Variants in NDUFS4 observed in about 807,000 individuals in gnomAD.
The protein encoded by NDUFS4 is NADH dehydrogenase [ubiquinone] iron-sulfur protein 4, mitochondrial.
NDUFS4 carries 28 observed loss-of-function variants against 24.3 expected under a neutral mutation model. The ratio of observed to expected loss-of-function variants is 1.15; its 90% CI spans 0.85 to 1.58. NDUFS4 has a LOEUF of 1.58. Ranked by LOEUF, NDUFS4 falls within the 40% of genes most tolerant of loss-of-function variation. The pLI is 0.00. For missense variants in NDUFS4, 223 were observed against 207.9 expected (o/e 1.07, Z -0.45); for synonymous variants, 93 against 69.7 (o/e 1.34, Z -1.67).
chr5:53,578,606 C>T (rs573794952), intron 1 of NDUFS4, among the ~76,000 whole-genome samples: 3 of 152,126 alleles, frequency 2.0e-5, no homozygotes, highest in Non-Finnish European at 2.9e-5. Context: ...TGTCCTGTTC[C>T]GTAAAATGGA....
chr5:53,596,329 A>T (rs1478985822), intron 1 of NDUFS4, among the ~76,000 whole-genome samples: 2 of 152,030 alleles, frequency 1.3e-5, no homozygotes, highest in Non-Finnish European at 2.9e-5. Flanking sequence ...GCTACTCAGG[A>T]GGCTGAGGTG....
chr5:53,643,518 GTTCTT>G (rs1419094086), intron 2 of NDUFS4, among the ~76,000 whole-genome samples: 5 of 152,148 alleles, frequency 3.3e-5, no homozygotes, highest in African/African-American at 7.2e-5. Flanking sequence ...GTGCCTCATA[GTTCTT>G]TTCAAGTGTT....
chr5:53,625,532 T>A (rs1751193393), intron 2 of NDUFS4, among the ~76,000 whole-genome samples: 2 of 152,216 alleles, frequency 1.3e-5, no homozygotes, highest in South Asian at 2.1e-4. Context: ...TGAGGCCCAG[T>A]TTGACTTCCA....
intron 4 of NDUFS4, among the ~76,000 whole-genome samples, chr5:53,675,287 C>T (rs376584210): frequency 1.3e-4 from 20 of 151,612 alleles, no homozygotes; most frequent in East Asian, 1.9e-4. Context: ...CTCAGCCTCC[C>T]GAGGAGCTGG....
At chr5:53,582,645 A>G (rs558564223) in intron 1 of NDUFS4, among the ~76,000 whole-genome samples, 85 of 152,322 alleles carry the variant, frequency 5.6e-4, no homozygotes, top group Non-Finnish European at 1.0e-3. Context: ...GAACAAGCTG[A>G]TATTATTCAA....
At chr5:53,660,245 G>C (rs191206425) in intron 4 of NDUFS4, among the ~76,000 whole-genome samples, 1 of 148,330 alleles carries the variant, frequency 6.7e-6, no homozygotes, top group Non-Finnish European at 1.5e-5. Flanking sequence ...GAGAACATGC[G>C]GTGTTTGCTT....
chr5:53,560,955 G>A (rs544684108), intron 1 of NDUFS4, among the ~76,000 whole-genome samples, 195 bp downstream of exon 1: 1 of 152,292 alleles, frequency 6.6e-6, no homozygotes, highest in African/African-American at 2.4e-5. Flanking sequence ...TGAGTGCGAG[G>A]CCGGGGAGGA....
intron 2 of NDUFS4, among the ~76,000 whole-genome samples, chr5:53,643,256 G>T (rs543109483): frequency 6.6e-6 from 1 of 152,088 alleles, no homozygotes; most frequent in South Asian, 2.1e-4. Context: ...AGTAAAATAA[G>T]AAATTTGTAA....
Position 53,578,659 on chromosome 5 carries a change from C to T in NDUFS4, c.98+17899C>T, listed in dbSNP as rs190957253. On this transcript the variant is annotated intron_variant, in intron 1 of 4. Transcript: ENST00000296684. ...TGTAAAGTATATAAAATGCATAGTA[C>T]AGTGCTCGGCATATGCTATAAGTGC... 3.1e-4 allele frequency among the ~76,000 whole-genome samples: 47 copies of T among 152,236 alleles called. 1 individual carries two copies. In the Middle Eastern group the frequency reaches 0.01, roughly 33 times the overall value.
At chr5:53,653,110 T>C (rs1427376216) in intron 3 of NDUFS4, among the ~76,000 whole-genome samples, 2 of 152,208 alleles carry the variant, frequency 1.3e-5, no homozygotes, top group Non-Finnish European at 2.9e-5. Context: ...CAGTACTTTT[T>C]GTGTTAATCA....
intron 1 of NDUFS4, among the ~76,000 whole-genome samples, chr5:53,597,921 C>T (rs1750178900): frequency 6.6e-6 from 1 of 152,120 alleles, no homozygotes; most frequent in Non-Finnish European, 1.5e-5. Flanking sequence ...AAACAAGCAA[C>T]CCAATTAAAA....
chr5:53,574,646 A>T (rs1552649), intron 1 of NDUFS4, among the ~76,000 whole-genome samples: 120,848 of 152,164 alleles, frequency 0.79, 48,226 homozygotes, highest in African/African-American at 0.87. Context: ...GCTACAAATT[A>T]AGATATGTTG....
intron 2 of NDUFS4, among the ~76,000 whole-genome samples, chr5:53,637,452 A>G (rs1299031188): frequency 1.3e-5 from 2 of 152,204 alleles, no homozygotes; most frequent in African/African-American, 4.8e-5. Context: ...CTGTTACAAG[A>G]ACAGATTCTT....
chr5:53,676,398 C>T (rs928017355), intron 4 of NDUFS4, among the ~76,000 whole-genome samples: 1 of 152,132 alleles, frequency 6.6e-6, no homozygotes, highest in Non-Finnish European at 1.5e-5. Context: ...GTCGTCTGAC[C>T]AGTACATAAC....
At chr5:53,617,672 C>T (rs1021597977) in intron 2 of NDUFS4, among the ~76,000 whole-genome samples, 1 of 152,180 alleles carries the variant, frequency 6.6e-6, no homozygotes, top group East Asian at 1.9e-4. Context: ...AGGTGCCCCA[C>T]CCTCTAAGCA....
At chr5:53,583,956 C>T (rs920001004) in intron 1 of NDUFS4, among the ~76,000 whole-genome samples, 2 of 152,270 alleles carry the variant, frequency 1.3e-5, no homozygotes, top group Middle Eastern at 3.4e-3. Flanking sequence ...ATGTTTAATT[C>T]CCTTTTCAAT....
chr5:53,659,075 G>A (rs969134842), intron 4 of NDUFS4, among the ~76,000 whole-genome samples: 5 of 151,848 alleles, frequency 3.3e-5, no homozygotes, highest in African/African-American at 9.7e-5. Context: ...TTGTCTTATT[G>A]CCTGTAAAAT....
intron 1 of NDUFS4, among the ~76,000 whole-genome samples, chr5:53,583,591 AATATACCGCATGATTTTAT>A (rs1447350449): frequency 2.6e-5 from 4 of 152,258 alleles, no homozygotes. Context: ...GTCTGCATTA[AATATACCGCATGATTTTAT>A]TTGGCTAAAT....
intron 1 of NDUFS4, among the ~76,000 whole-genome samples, chr5:53,576,676 T>C (rs7717681): frequency 0.2 from 30,980 of 152,140 alleles, 3,672 homozygotes; most frequent in East Asian, 0.46. Flanking sequence ...CTGTATCGTA[T>C]GAATATAGAT....
Sources: allele counts gnomAD v4.1 joint callset (sites outside exome capture counted in the v4.1 genomes callset), GRCh38; gene constraint gnomAD v4.1.1; transcripts MANE v1.5; gene names NCBI Gene and HGNC (gene_info 2026-07-23, HGNC 2026-07-21).